The following HADHB variants were observed in gnomAD, a reference collection of about 807,000 sequenced individuals.
HADHB encodes hydroxyacyl-CoA dehydrogenase trifunctional multienzyme complex subunit beta, also known as trifunctional enzyme subunit beta, mitochondrial.
A neutral mutation model predicts 61.9 loss-of-function variants in HADHB; 50 were observed. The ratio of observed to expected loss-of-function variants is 0.81; its 90% CI spans 0.64 to 1.02. HADHB has a LOEUF of 1.02. Ranked by LOEUF, HADHB falls within the 50% of genes least tolerant of loss-of-function variation. The pLI is 0.00. For synonymous variants in HADHB, 191 were observed against 201.6 expected, an observed-to-expected ratio of 0.95 and a Z score of 0.45; for missense variants, 504 against 586.5, an observed-to-expected ratio of 0.86 and a Z score of 1.45.
intron 1 of HADHB, among the ~76,000 whole-genome samples, chr2:26,248,949 C>T (rs941827461): frequency 1.3e-5 from 2 of 151,614 alleles, no homozygotes; most frequent in African/African-American, 4.9e-5. Context: ...CTCAGCTACT[C>T]GGGAGGCTGA....
chr2:26,253,237 A>G (rs527745755), intron 1 of HADHB, among the ~76,000 whole-genome samples: 105 of 152,268 alleles, frequency 6.9e-4, no homozygotes, highest in African/African-American at 2.3e-3. Flanking sequence ...TTTTTAACAT[A>G]TAGGGTTATT....
chr2:26,282,819 T>C (rs1363993229), intron 10 of HADHB, 26 bp from the exon 11 acceptor site: 4 of 1,565,306 alleles, frequency 2.6e-6, no homozygotes, highest in Non-Finnish European at 3.5e-6. Context: ...TGAAGAATTT[T>C]AACATTGTGC....
chr2:26,261,119 G>C, intron 3 of HADHB: 1 of 873,964 alleles, frequency 1.1e-6, no homozygotes, highest in East Asian at 2.6e-5. Context: ...TTAGGGATGT[G>C]TCTATGGCTT....
At chr2:26,284,335 A>G in intron 13 of HADHB, 131 bp downstream of exon 13, 1 of 746,612 alleles carries the variant, frequency 1.3e-6, no homozygotes, top group Non-Finnish European at 2.4e-6. Flanking sequence ...TTAAGTACTG[A>G]TTCACACTGC....
intron 3 of HADHB, 171 bp downstream of exon 3, chr2:26,254,645 T>C (rs960961599): frequency 1.5e-5 from 9 of 591,128 alleles, no homozygotes; most frequent in African/African-American, 1.9e-5. Flanking sequence ...CAATCAATAA[T>C]GATACTACAT....
chr2:26,247,719 T>G (rs554022541), intron 1 of HADHB, among the ~76,000 whole-genome samples: 10 of 152,326 alleles, frequency 6.6e-5, no homozygotes, highest in African/African-American at 1.4e-4. Flanking sequence ...TAACGACTAT[T>G]TACATAGATT....
At chr2:26,259,852 C>T (rs533067831) in intron 3 of HADHB, among the ~76,000 whole-genome samples, 1 of 151,856 alleles carries the variant, frequency 6.6e-6, no homozygotes, top group African/African-American at 2.4e-5. Context: ...GGTAAGAATT[C>T]GATGGGCAAA....
chr2:26,253,304 T>G (rs1671474144), intron 1 of HADHB, among the ~76,000 whole-genome samples: 1 of 152,212 alleles, frequency 6.6e-6, no homozygotes, highest in Non-Finnish European at 1.5e-5. Context: ...TTGAAAAAGT[T>G]GCAAGTGCAG....
Position 26,284,929 on chromosome 2 carries a change from C to A in HADHB, c.1196C>A (p.Ala399Glu). 6.3e-7 allele frequency: 1 copy of A among 1,590,454 alleles called. No individual in the cohort carries two copies. Among genetic ancestry groups the A allele is most frequent in the Non-Finnish European group, 8.6e-7 (1 of 1,158,492 alleles). ...NFKAMDSDWFAENYMGRKTKV... is the reference protein window; with the variant it reads ...NFKAMDSDWFEENYMGRKTKV... ...AAAGCCATGGATTCTGATTGGTTTGCAGAAAACTACATGGGTAGAAAAACC... is the reference window on the plus strand; with the variant it reads ...AAAGCCATGGATTCTGATTGGTTTGAAGAAAACTACATGGGTAGAAAAACC... The change falls in exon 14 of 16, where the codon GCA (alanine) becomes GAA (glutamate). Residue 399 changes from alanine (A) to glutamate (E), a missense_variant. Ala to Glu is a moderately radical substitution (Grantham distance 107). Transcript: ENST00000317799.
chr2:26,253,241 G>T (rs549112312), intron 1 of HADHB, among the ~76,000 whole-genome samples: 1 of 152,096 alleles, frequency 6.6e-6, no homozygotes, highest in South Asian at 2.1e-4. Context: ...TAACATATAG[G>T]GTTATTATAT....
At chr2:26,250,679 G>C (rs1473621195) in intron 1 of HADHB, among the ~76,000 whole-genome samples, 1 of 149,868 alleles carries the variant, frequency 6.7e-6, no homozygotes, top group Admixed American at 6.7e-5. Flanking sequence ...TAATTAGCCA[G>C]GCATGGTGGC....
chr2:26,265,597 AAACAACAACAAC>A (rs58410284), intron 4 of HADHB, among the ~76,000 whole-genome samples: 1 of 151,624 alleles, frequency 6.6e-6, no homozygotes. Context: ...CTCCATCTCA[AAACAACAACAAC>A]AACAACAACA....
chr2:26,287,059 C>T (rs929327251), intron 15 of HADHB, among the ~76,000 whole-genome samples: 2 of 151,590 alleles, frequency 1.3e-5, no homozygotes, highest in Non-Finnish European at 2.9e-5. Flanking sequence ...TAAAAACTAG[C>T]CTAGTGTGGT....
At chr2:26,268,734 A>AT (rs1308331937) in intron 4 of HADHB, among the ~76,000 whole-genome samples, 3 of 152,244 alleles carry the variant, frequency 2.0e-5, no homozygotes, top group Non-Finnish European at 1.5e-5. Context: ...GAAAAAGGAC[A>AT]TTAGTGGAAC....
intron 1 of HADHB, among the ~76,000 whole-genome samples, chr2:26,253,857 AAAATAAATAAATAAAT>A (rs146843338): frequency 3.4e-4 from 43 of 125,634 alleles, no homozygotes; most frequent in African/African-American, 8.9e-4. Context: ...CCATCTCAAA[AAAATAAATAAATAAAT>A]AAATAAATAA....
At chr2:26,273,294 C>G (rs1198318631) in intron 5 of HADHB, among the ~76,000 whole-genome samples, 1 of 151,680 alleles carries the variant, frequency 6.6e-6, no homozygotes, top group East Asian at 1.9e-4. Flanking sequence ...GGAGACTTTG[C>G]TTTATCTCTT....
chr2:26,273,633 T>G lies in HADHB; in HGVS notation c.255-18T>G. On this transcript the variant is annotated intron_variant, in intron 5 of 15. Transcript: ENST00000317799. ...TTGATGTGTGAAATGTTTCTTTGCT[T>G]TGGATTTCTACTTCCAGGGGTTTGT... 7.1e-7 allele frequency: 1 copy of G among 1,404,568 alleles called. No homozygotes were observed. The highest frequency in any genetic ancestry group is 1.2e-5 in the South Asian group (1 of 86,782). 87.0% of individuals were successfully genotyped at this position (1,404,568 alleles called of 1,614,324 possible). A position where few individuals can be genotyped will look rare whatever the true frequency, so the allele number is the denominator to read the frequency against.
chr2:26,277,544 C>T (rs1300737015), intron 7 of HADHB, among the ~76,000 whole-genome samples: 3 of 152,148 alleles, frequency 2.0e-5, no homozygotes, highest in Non-Finnish European at 4.4e-5. Context: ...CCAAAAAGTA[C>T]TCTTAACAGA....
At chr2:26,273,200 A>C (rs76294848) in intron 5 of HADHB, among the ~76,000 whole-genome samples, 3 of 152,050 alleles carry the variant, frequency 2.0e-5, no homozygotes, top group Non-Finnish European at 4.4e-5. Flanking sequence ...TATTATTTCA[A>C]TCATTTGTTG....
Sources: gnomAD v4.1 joint callset for allele counts (sites outside exome capture counted in the v4.1 genomes callset) on GRCh38, gnomAD v4.1.1 for gene constraint, MANE v1.5 for transcripts, NCBI Gene and HGNC (gene_info 2026-07-23, HGNC 2026-07-21) for gene names.